The following HPSE2 variants were observed in gnomAD, a reference collection of about 807,000 sequenced individuals.
HPSE2 encodes heparanase 2 (inactive).
HPSE2 carries 38 observed loss-of-function variants against 60.5 expected under a neutral mutation model. The observed-to-expected ratio is 0.63, with a 90% CI of 0.48 to 0.82. HPSE2 has a LOEUF of 0.82. Ranked by LOEUF, HPSE2 falls within the 40% of genes least tolerant of loss-of-function variation. The pLI, the probability that HPSE2 is intolerant of heterozygous loss-of-function variation, is 0.00. For synonymous variants in HPSE2, 295 were observed against 293.2 expected, an observed-to-expected ratio of 1.01 and a Z score of -0.06; for missense variants, 713 against 740.4, an observed-to-expected ratio of 0.96 and a Z score of 0.43.
chr10:98,557,931 T>A (rs568096853), intron 9 of HPSE2, among the ~76,000 whole-genome samples: 1 of 152,134 alleles, frequency 6.6e-6, no homozygotes, highest in Non-Finnish European at 1.5e-5. Context: ...AAAGGATTCA[T>A]ATCCAGAATA....
At chr10:99,025,965 A>G (rs1011095443) in intron 3 of HPSE2, among the ~76,000 whole-genome samples, 1 of 152,116 alleles carries the variant, frequency 6.6e-6, no homozygotes, top group African/African-American at 2.4e-5. Flanking sequence ...CAAAAAACGT[A>G]CAATGGATAC....
chr10:98,823,486 C>T (rs551996359), intron 3 of HPSE2, among the ~76,000 whole-genome samples: 7 of 152,120 alleles, frequency 4.6e-5, no homozygotes, highest in East Asian at 3.9e-4. Context: ...ATTAGCTGGG[C>T]GTGGTAGCAC....
rs1564816573 is a variant in HPSE2 at position 99,112,415 on chromosome 10, G to GTTTTGTTTTGTTT, written c.610+31822_610+31823insAAACAAAACAAAA. Reference sequence around the variant, plus strand: ...CCACCATGCCCGGCTTTTTTTTGTTGTGTTTTGTTTTGTTTTGTTTTGTTT... The same window carrying GTTTTGTTTTGTTT: ...CCACCATGCCCGGCTTTTTTTTGTTGTTTTGTTTTGTTTTGTTTTGTTTTGTTTTGTTTTGTTT... On this transcript the variant is annotated intron_variant, in intron 3 of 11. Coordinates refer to ENST00000370552, the MANE Select transcript of HPSE2 (RefSeq NM_021828.5). Among the ~76,000 whole-genome samples the GTTTTGTTTTGTTT allele has an allele frequency of 3.0e-3, 405 of 136,010 alleles. 4 individuals carry two copies. Among genetic ancestry groups the GTTTTGTTTTGTTT allele is most frequent in the African/African-American group, 0.01 (388 of 37,436 alleles). 89.2% of individuals were successfully genotyped at this position (136,010 alleles called of 152,430 possible).
At chr10:99,090,609 A>C (rs535093994) in intron 3 of HPSE2, among the ~76,000 whole-genome samples, 1 of 152,198 alleles carries the variant, frequency 6.6e-6, no homozygotes, top group Non-Finnish European at 1.5e-5. Flanking sequence ...GATAAGAAAA[A>C]CATTTCAAGG....
intron 2 of HPSE2, among the ~76,000 whole-genome samples, chr10:99,152,969 C>T (rs1405598162): frequency 1.3e-5 from 2 of 152,336 alleles, no homozygotes; most frequent in African/African-American, 2.4e-5. Context: ...GTTCCCTTTC[C>T]GAGTCAAAGA....
the HPSE2 span, among the ~76,000 whole-genome samples, chr10:99,282,920 C>T: frequency 1.3e-5 from 2 of 152,166 alleles, no homozygotes; most frequent in Non-Finnish European, 2.9e-5. Flanking sequence ...CGTGGTGGCT[C>T]ATGCCTGTAA....
chr10:99,185,818 AGG>A (rs1255262314), intron 2 of HPSE2, among the ~76,000 whole-genome samples: 1 of 152,042 alleles, frequency 6.6e-6, no homozygotes, highest in East Asian at 1.9e-4. Context: ...GAGGTGGGGC[AGG>A]GAGGAATGAT....
At chr10:98,780,637 G>A (rs1950443964) in intron 3 of HPSE2, among the ~76,000 whole-genome samples, 1 of 151,998 alleles carries the variant, frequency 6.6e-6, no homozygotes, top group Admixed American at 6.6e-5. Flanking sequence ...CAATACCATA[G>A]CCACAAAATA....
intron 2 of HPSE2, among the ~76,000 whole-genome samples, chr10:99,190,667 T>C (rs1043009585): frequency 6.6e-6 from 1 of 152,092 alleles, no homozygotes; most frequent in African/African-American, 2.4e-5. Flanking sequence ...AATAGAAGCC[T>C]CCAGCAATTG....
At chr10:99,074,803 T>C (rs1343991271) in intron 3 of HPSE2, among the ~76,000 whole-genome samples, 1 of 152,152 alleles carries the variant, frequency 6.6e-6, no homozygotes, top group African/African-American at 2.4e-5. Context: ...TCTAAGAATA[T>C]GCCCATTTCT....
intron 9 of HPSE2, among the ~76,000 whole-genome samples, chr10:98,557,688 C>T (rs976235596): frequency 1.3e-5 from 2 of 152,172 alleles, no homozygotes; most frequent in African/African-American, 4.8e-5. Context: ...CGGTGGCTCA[C>T]GCCTGCAATC....
intron 2 of HPSE2, among the ~76,000 whole-genome samples, chr10:99,170,140 A>G (rs1341884320): frequency 1.3e-5 from 2 of 152,082 alleles, no homozygotes; most frequent in African/African-American, 4.8e-5. Context: ...AACTGGGGCT[A>G]GGGATGAAGT....
At chr10:99,188,775 T>C (rs1848120144) in intron 2 of HPSE2, among the ~76,000 whole-genome samples, 1 of 152,184 alleles carries the variant, frequency 6.6e-6, no homozygotes. Flanking sequence ...AATAATTTGT[T>C]TAAATATTTT....
intron 4 of HPSE2, among the ~76,000 whole-genome samples, chr10:98,730,546 GACCACAAA>G (rs1949201039): frequency 6.6e-6 from 1 of 151,424 alleles, no homozygotes; most frequent in African/African-American, 2.4e-5. Context: ...TATTTGAAAA[GACCACAAA>G]ACCGATATAC....
At chr10:98,684,610 T>C (rs373494088) in intron 6 of HPSE2, among the ~76,000 whole-genome samples, 1 of 152,062 alleles carries the variant, frequency 6.6e-6, no homozygotes, top group East Asian at 1.9e-4. Flanking sequence ...TAAGTAAGTT[T>C]GGGTATATGA....
At chr10:99,310,144 C>T in the HPSE2 span, among the ~76,000 whole-genome samples, 7 of 152,172 alleles carry the variant, frequency 4.6e-5, no homozygotes, top group East Asian at 1.9e-4. Flanking sequence ...CTTATAAGAA[C>T]GCTTATGATA....
At chr10:98,692,685 C>G (rs984539802) in intron 6 of HPSE2, among the ~76,000 whole-genome samples, 7 of 152,094 alleles carry the variant, frequency 4.6e-5, no homozygotes, top group Non-Finnish European at 8.8e-5. Context: ...AGGAGATTGG[C>G]GTGAACCCAG....
At position 98,933,761 on chromosome 10, in the gene HPSE2, T is replaced by A. The variant is rs1457672155; in HGVS notation, c.611-189705A>T. On this transcript the variant is annotated intron_variant, in intron 3 of 11. Transcript: ENST00000370552. ...TTCTTTTTTTTTTTGAGATGGAGTC[T>A]TGCTCTTTTGCCCAGGCTGGAGTGC... Among the ~76,000 whole-genome samples, 2 of 141,378 alleles carry A rather than the reference T, an allele frequency of 1.4e-5. 1 individual carries two copies. Among genetic ancestry groups the A allele is most frequent in the African/African-American group, 5.9e-5 (2 of 33,896 alleles). 92.7% of individuals were successfully genotyped at this position (141,378 alleles called of 152,430 possible).
chr10:99,053,010 T>A (rs905332790), intron 3 of HPSE2, among the ~76,000 whole-genome samples: 6 of 147,712 alleles, frequency 4.1e-5, no homozygotes, highest in Non-Finnish European at 7.5e-5. Context: ...TTTTAACAGA[T>A]GGTATTTTCC....
Sources: allele counts gnomAD v4.1 joint callset (sites outside exome capture counted in the v4.1 genomes callset), GRCh38; gene constraint gnomAD v4.1.1; transcripts MANE v1.5; gene names NCBI Gene and HGNC (gene_info 2026-07-23, HGNC 2026-07-21).